Variants in TCF4 observed in about 807,000 individuals in gnomAD.
TCF4 encodes SL3-3 enhancer factor 2.
A neutral mutation model predicts 82.1 loss-of-function variants in TCF4; 3 were observed. That is an observed-to-expected ratio of 0.04 (90% CI 0.02 to 0.09). The LOEUF is 0.09. Ranked by LOEUF, TCF4 falls within the 10% of genes least tolerant of loss-of-function variation. The probability of loss-of-function intolerance (pLI) is 1.00; values close to 1 mark genes in which losing one functional copy is unlikely to be tolerated. For missense variants in TCF4, 518 were observed against 852.7 expected (o/e 0.61, Z 4.89); for synonymous variants, 276 against 309.6 (o/e 0.89, Z 1.14).
chr18:55,599,105 C>T (rs1001151427), intron 2 of TCF4, among the ~76,000 whole-genome samples: 5 of 152,180 alleles, frequency 3.3e-5, no homozygotes, highest in African/African-American at 1.2e-4. Context: ...TCAAAGCCTA[C>T]CCTTGGAGCT....
At chr18:55,356,587 G>T (rs561385517) in intron 6 of TCF4, among the ~76,000 whole-genome samples, 1 of 152,110 alleles carries the variant, frequency 6.6e-6, no homozygotes, top group Non-Finnish European at 1.5e-5. Context: ...AATAAGAAAT[G>T]TGTTATATGC....
At chr18:55,458,890 T>C (rs1225074646) in intron 5 of TCF4, among the ~76,000 whole-genome samples, 8 of 152,196 alleles carry the variant, frequency 5.3e-5, no homozygotes, top group African/African-American at 1.9e-4. Context: ...GTGACTTCCC[T>C]GACCCCAGTC....
chr18:55,533,102 A>G (rs2097082635), intron 3 of TCF4, among the ~76,000 whole-genome samples: 1 of 152,170 alleles, frequency 6.6e-6, no homozygotes, highest in African/African-American at 2.4e-5. Flanking sequence ...AAAACAAAAC[A>G]CCAGCAGGAC....
chr18:55,257,311 A>C lies in TCF4; in HGVS notation c.1146+4T>G. The C allele has an allele frequency of 6.2e-7, 1 of 1,613,482 alleles. No homozygotes were observed. The highest frequency in any genetic ancestry group is 8.5e-7 in the Non-Finnish European group (1 of 1,179,506). ...TGGGACAGAGATTAGCAAATGAGACATACCAAAGAGTGTAAGGGTCCTTCA... is the reference window on the plus strand; with the variant it reads ...TGGGACAGAGATTAGCAAATGAGACCTACCAAAGAGTGTAAGGGTCCTTCA... On this transcript the variant is annotated splice_donor_region_variant and intron_variant, in intron 14 of 19. Transcript: ENST00000354452.
chr18:55,449,341 G>GA (rs1320510914), intron 5 of TCF4, among the ~76,000 whole-genome samples: 1 of 151,872 alleles, frequency 6.6e-6, no homozygotes, highest in African/African-American at 2.4e-5. Context: ...AATAAATAAG[G>GA]AAAAAAACTT....
chr18:55,622,322 C>T (rs1163063147), intron 2 of TCF4, among the ~76,000 whole-genome samples: 1 of 150,940 alleles, frequency 6.6e-6, no homozygotes, highest in Non-Finnish European at 1.5e-5. Flanking sequence ...TCCTGCCCAA[C>T]AGGGTGAAAC....
chr18:55,403,691 A>C, intron 5 of TCF4, 173 bp from the exon 6 acceptor site: 1 of 1,548,676 alleles, frequency 6.5e-7, no homozygotes, highest in East Asian at 2.4e-5. Flanking sequence ...TGGCTATGAT[A>C]AACTGGAAAA....
intron 8 of TCF4, among the ~76,000 whole-genome samples, chr18:55,329,227 T>C (rs1169038744): frequency 3.3e-5 from 5 of 152,232 alleles, no homozygotes; most frequent in Admixed American, 3.3e-4. Flanking sequence ...AAGCAGGTCA[T>C]TGGTCCATTC....
intron 6 of TCF4, among the ~76,000 whole-genome samples, chr18:55,366,448 A>G (rs956350821): frequency 6.6e-6 from 1 of 151,936 alleles, no homozygotes; most frequent in Non-Finnish European, 1.5e-5. Context: ...ACACCATATT[A>G]ACTTCATAAA....
At chr18:55,422,413 T>TG in intron 5 of TCF4, 1 of 984,590 alleles carries the variant, frequency 1.0e-6, no homozygotes, top group Non-Finnish European at 1.2e-6. Flanking sequence ...GTGGAGGGTT[T>TG]GGGGGGTTTT....
At chr18:55,360,137 T>C (rs144243658) in intron 6 of TCF4, among the ~76,000 whole-genome samples, 2 of 152,292 alleles carry the variant, frequency 1.3e-5, no homozygotes, top group African/African-American at 4.8e-5. Flanking sequence ...ATGGTTATTG[T>C]GGGAACATAG....
At chr18:55,510,538 C>A in intron 3 of TCF4, 1 of 1,394,410 alleles carries the variant, frequency 7.2e-7, no homozygotes, top group South Asian at 1.4e-5. Context: ...ACATTTTAAT[C>A]AAGAGTAAGC....
Position 55,420,712 on chromosome 18 carries a change from C to T in TCF4, c.305-17194G>A, listed in dbSNP as rs114961656. On this transcript the variant is annotated intron_variant, in intron 5 of 19. Coordinates refer to ENST00000354452, the MANE Select transcript of TCF4 (RefSeq NM_001083962.2). ...AAAATTACAAGGATCTGCTTCTCGGCGACTAACCTGCTTTTTCACTTCTGC... is the reference window on the plus strand; with the variant it reads ...AAAATTACAAGGATCTGCTTCTCGGTGACTAACCTGCTTTTTCACTTCTGC... 1.3e-3 allele frequency among the ~76,000 whole-genome samples: 197 copies of T among 152,182 alleles called. 1 individual carries two copies. Among genetic ancestry groups the T allele is most frequent in the African/African-American group, 4.3e-3 (179 of 41,520 alleles).
At chr18:55,459,536 C>G (rs1241058959) in intron 5 of TCF4, among the ~76,000 whole-genome samples, 6 of 152,130 alleles carry the variant, frequency 3.9e-5, no homozygotes, top group Non-Finnish European at 8.8e-5. Context: ...TGCTACTTCT[C>G]AAGACTACAT....
At chr18:55,321,120 T>C (rs1386566222) in intron 8 of TCF4, 1 of 156,232 alleles carries the variant, frequency 6.4e-6, no homozygotes, top group Non-Finnish European at 1.4e-5. Context: ...ATCTACTCCT[T>C]AATTTGATCT....
intron 3 of TCF4, among the ~76,000 whole-genome samples, chr18:55,505,855 A>G (rs1190166645): frequency 6.6e-6 from 1 of 151,822 alleles, no homozygotes; most frequent in Non-Finnish European, 1.5e-5. Context: ...GACATGGAGA[A>G]CCAACCTTCA....
intron 3 of TCF4, chr18:55,482,267 G>A (rs527685911): frequency 6.6e-6 from 1 of 152,280 alleles, no homozygotes; most frequent in South Asian, 2.1e-4. Context: ...CTATAAAAGA[G>A]CAAAATTCCT....
intron 3 of TCF4, among the ~76,000 whole-genome samples, chr18:55,490,468 T>A (rs1279861903): frequency 3.9e-5 from 6 of 152,176 alleles, no homozygotes; most frequent in Admixed American, 1.3e-4. Flanking sequence ...GTTTGACAGA[T>A]TAAATGAGAT....
At chr18:55,605,295 A>G (rs924274300) in intron 2 of TCF4, among the ~76,000 whole-genome samples, 5 of 152,184 alleles carry the variant, frequency 3.3e-5, no homozygotes, top group African/African-American at 1.2e-4. Flanking sequence ...AAGAGCCGCA[A>G]TCTTGGATCC....
Sources: allele counts gnomAD v4.1 joint callset (sites outside exome capture counted in the v4.1 genomes callset), GRCh38; gene constraint gnomAD v4.1.1; transcripts MANE v1.5; gene names NCBI Gene and HGNC (gene_info 2026-07-23, HGNC 2026-07-21).